EED: variants seen among roughly 807,000 people sequenced by gnomAD.
EED encodes the protein embryonic ectoderm development.
EED carries 9 observed loss-of-function variants against 61.0 expected under a neutral mutation model. That is an observed-to-expected ratio of 0.15 (90% CI 0.09 to 0.26). The LOEUF is 0.26. Among genes scored for constraint, EED ranks in the 10% least tolerant of loss-of-function variants. The pLI, the probability that EED is intolerant of heterozygous loss-of-function variation, is 1.00. For missense variants in EED, 315 were observed against 542.3 expected, an observed-to-expected ratio of 0.58 and a Z score of 4.16; for synonymous variants, 187 against 174.4, an observed-to-expected ratio of 1.07 and a Z score of -0.57.
chr11:86,263,197 A>G (rs1471715053), intron 6 of EED, among the ~76,000 whole-genome samples: 1 of 152,228 alleles, frequency 6.6e-6, no homozygotes, highest in Non-Finnish European at 1.5e-5. Context: ...GTCTGAGACC[A>G]ACATTGTTCT....
chr11:86,245,331 T>G lies in EED; in HGVS notation c.102T>G (p.Ser34=), dbSNP rs1334104726. The change falls in exon 1 of 12, where the codon TCT becomes TCG. Residue 34 remains serine (S), a synonymous_variant. Transcript: ENST00000263360. The part of the protein sequence containing the change: ...SSDENSNPDL[S]GDENDDAVSI... ...ACGAGAACAGCAATCCAGACCTCTC[T>G]GGAGACGAGAATGTAAGTGCAGCTT... The G allele has an allele frequency of 6.2e-7, 1 of 1,611,854 alleles. No homozygotes were observed. The highest frequency in any genetic ancestry group is 1.1e-5 in the South Asian group (1 of 90,976).
downstream of EED, among the ~76,000 whole-genome samples, chr11:86,283,148 C>T (rs1415376591): frequency 6.6e-6 from 1 of 151,842 alleles, no homozygotes; most frequent in Non-Finnish European, 1.5e-5. Context: ...GCAAAACAAA[C>T]AAAATAAGTC....
the EED span, chr11:86,284,261 T>G: frequency 6.6e-6 from 1 of 152,190 alleles, no homozygotes; most frequent in Non-Finnish European, 1.5e-5. Flanking sequence ...CTGGGTTTTG[T>G]TTTTGGACAA....
rs1004786077 is a variant in EED, at chr11:86,278,760, C to G, written c.*235C>G. On this transcript the variant is annotated 3_prime_UTR_variant, in exon 12 of 12. Coordinates refer to ENST00000263360, the MANE Select transcript of EED (RefSeq NM_003797.5). Reference sequence around the variant, plus strand: ...GTAAAGCTGTGTGTTTAGTTACTTTCATTGTGGTGAAAAAAAGTTAAAAGT... The same window carrying G: ...GTAAAGCTGTGTGTTTAGTTACTTTGATTGTGGTGAAAAAAAGTTAAAAGT... The G allele has an allele frequency of 4.8e-6, 2 of 413,194 alleles. No homozygotes were observed. The highest frequency in any genetic ancestry group is 4.1e-5 in the African/African-American group (2 of 49,210). The allele number at this position is 413,194 out of a possible 1,614,324, so 25.6% of individuals were successfully genotyped here. A position where few individuals can be genotyped will look rare whatever the true frequency, so the allele number is the denominator to read the frequency against.
chr11:86,283,805 T>C (rs773911630), downstream of EED: 6 of 133,006 alleles, frequency 4.5e-5, no homozygotes, highest in Non-Finnish European at 9.6e-5. Flanking sequence ...TTAAGAAATA[T>C]AGAGGATAAA....
intron 3 of EED, among the ~76,000 whole-genome samples, chr11:86,252,485 A>T (rs1945557737): frequency 6.7e-6 from 1 of 148,948 alleles, no homozygotes; most frequent in Non-Finnish European, 1.5e-5. Context: ...ATTTGTCTTC[A>T]TAAATACTTG....
chr11:86,256,557 A>C, intron 5 of EED, 45 bp downstream of exon 5: 1 of 1,484,680 alleles, frequency 6.7e-7, no homozygotes, highest in Non-Finnish European at 9.0e-7. Flanking sequence ...TTTTGAATCC[A>C]CAACTGTAAA....
rs1405893505 is a variant in EED at position 86,244,777 on chromosome 11, C to G, written c.-453C>G. 5.1e-5 allele frequency: 12 copies of G among 233,952 alleles called. No individual in the cohort carries two copies. Among genetic ancestry groups the G allele is most frequent in the Non-Finnish European group, 9.3e-5 (11 of 118,414 alleles). The allele number at this position is 233,952 out of a possible 1,614,324, so 14.5% of individuals were successfully genotyped here. On this transcript the variant is annotated 5_prime_UTR_variant, in exon 1 of 12. Transcript: ENST00000263360. ...CATTCCACAGACTTTCGCTCCCTAG[C>G]AGCGGGTCGGAGATCGAAGGAACGG...
At chr11:86,255,049 T>C (rs1411462525) in intron 3 of EED, among the ~76,000 whole-genome samples, 173 bp from the exon 4 acceptor site, 1 of 152,274 alleles carries the variant, frequency 6.6e-6, no homozygotes, top group African/African-American at 2.4e-5. Flanking sequence ...CTCTGTGTAT[T>C]ATGTAAAACA....
At position 86,277,042 on chromosome 11, in the gene EED, T is replaced by C; in HGVS notation, c.1029T>C (p.Ile343=). 6.3e-7 allele frequency: 1 copy of C among 1,578,156 alleles called. No homozygotes were observed. Among genetic ancestry groups the C allele is most frequent in the Non-Finnish European group, 8.7e-7 (1 of 1,155,488 alleles). The change falls in exon 10 of 12, where the codon ATT becomes ATC. Residue 343 remains isoleucine, a synonymous_variant. Transcript: ENST00000263360. ...AGATGGAAGATGATATAGATAAAAT[T>C]AAACCCAGTGAATCTAATGTGACTA... ...PGKMEDDIDK[I]KPSESNVTIL...
chr11:86,273,004 CT>C (rs1369451088), intron 9 of EED, among the ~76,000 whole-genome samples: 2 of 152,068 alleles, frequency 1.3e-5, no homozygotes, highest in Non-Finnish European at 2.9e-5. Context: ...CATTAGTCTA[CT>C]ATATTATCAG....
chr11:86,275,663 T>C (rs1314323687), intron 9 of EED, among the ~76,000 whole-genome samples: 1 of 152,198 alleles, frequency 6.6e-6, no homozygotes, highest in African/African-American at 2.4e-5. Context: ...TTACAGTTCT[T>C]CTGCTTTGGC....
intron 1 of EED, among the ~76,000 whole-genome samples, chr11:86,248,846 C>CT (rs1945456043): frequency 1.3e-5 from 2 of 152,140 alleles, no homozygotes; most frequent in Admixed American, 1.3e-4. Flanking sequence ...TCGTGAAACT[C>CT]TGTCTCTACC....
chr11:86,273,672 T>C (rs1005013737), intron 9 of EED, among the ~76,000 whole-genome samples: 1 of 152,238 alleles, frequency 6.6e-6, no homozygotes, highest in African/African-American at 2.4e-5. Context: ...TCACTCGATA[T>C]AGGATTCTGG....
intron 6 of EED, among the ~76,000 whole-genome samples, chr11:86,263,770 C>CTA (rs1391652190): frequency 6.6e-6 from 1 of 152,158 alleles, no homozygotes; most frequent in East Asian, 1.9e-4. Flanking sequence ...TGGTGAGAGC[C>CTA]TTCATGCTGA....
Position 86,257,185 on chromosome 11 carries a change from T to TTGTGTGTGTGTGTG in EED, c.553-310_553-297dup, listed in dbSNP as rs71040223. Among the ~76,000 whole-genome samples the TTGTGTGTGTGTGTG allele has an allele frequency of 2.9e-4, 42 of 143,470 alleles. 1 individual carries two copies. The highest frequency in any genetic ancestry group is 1.0e-3 in the African/African-American group (39 of 38,520). The allele number at this position is 143,470 out of a possible 152,430, so 94.1% of individuals were successfully genotyped here. On this transcript the variant is annotated intron_variant, in intron 5 of 11. Transcript: ENST00000263360. ...CAAGTAGCTGGGGCCAATTTTTAAT[T>TTGTGTGTGTGTGTG]TGTGTGTGTGTGTGTGTGTGTGTGT...
chr11:86,271,680 T>G (rs1946114428), intron 9 of EED, among the ~76,000 whole-genome samples: 1 of 152,210 alleles, frequency 6.6e-6, no homozygotes, highest in Non-Finnish European at 1.5e-5. Flanking sequence ...TTCCTAAATT[T>G]TTGAGAGCTT....
chr11:86,251,310 AG>A (rs1945524896), intron 2 of EED, among the ~76,000 whole-genome samples: 1 of 152,172 alleles, frequency 6.6e-6, no homozygotes, highest in Non-Finnish European at 1.5e-5. Flanking sequence ...AGTCAATTAT[AG>A]TTTCATGTGC....
chr11:86,256,238 C>G (rs1025216682), intron 4 of EED, 149 bp from the exon 5 acceptor site: 2 of 659,328 alleles, frequency 3.0e-6, no homozygotes, highest in Non-Finnish European at 4.5e-6. Context: ...TTTTAGACCT[C>G]AAATCACCAT....
Sources: gnomAD v4.1 joint callset for allele counts (sites outside exome capture counted in the v4.1 genomes callset) on GRCh38, gnomAD v4.1.1 for gene constraint, MANE v1.5 for transcripts, NCBI Gene and HGNC (gene_info 2026-07-23, HGNC 2026-07-21) for gene names.